Variants in KCNT2 observed in about 807,000 individuals in gnomAD.
KCNT2 encodes the protein potassium sodium-activated channel subfamily T member 2.
KCNT2 carries 67 observed loss-of-function variants against 153.8 expected under a neutral mutation model. The ratio of observed to expected loss-of-function variants is 0.44; its 90% confidence interval spans 0.36 to 0.53. The LOEUF (loss-of-function observed/expected upper bound fraction) is 0.53. Among genes scored for constraint, KCNT2 ranks in the 20% least tolerant of loss-of-function variants. The pLI is 0.00. For missense variants in KCNT2, 975 were observed against 1,354.8 expected, an observed-to-expected ratio of 0.72 and a Z score of 4.40; for synonymous variants, 500 against 458.8, an observed-to-expected ratio of 1.09 and a Z score of -1.15.
At chr1:196,438,056 T>A (rs1674883008) in intron 8 of KCNT2, among the ~76,000 whole-genome samples, 1 of 151,688 alleles carries the variant, frequency 6.6e-6, no homozygotes, top group South Asian at 2.1e-4. Context: ...AAAGCAAATA[T>A]ATTAATAATA....
At chr1:196,599,990 A>T (rs1271586158) in intron 1 of KCNT2, among the ~76,000 whole-genome samples, 2 of 152,018 alleles carry the variant, frequency 1.3e-5, no homozygotes, top group Admixed American at 1.3e-4. Flanking sequence ...AATTTATTTC[A>T]TTTACGTTAA....
chr1:196,493,466 C>T (rs1010495256), intron 1 of KCNT2, among the ~76,000 whole-genome samples: 3 of 151,820 alleles, frequency 2.0e-5, no homozygotes, highest in African/African-American at 7.3e-5. Flanking sequence ...TATATTATCT[C>T]ATAAACCCTC....
intron 1 of KCNT2, among the ~76,000 whole-genome samples, chr1:196,531,472 T>G (rs1165028634): frequency 1.3e-5 from 2 of 152,006 alleles, no homozygotes; most frequent in Non-Finnish European, 2.9e-5. Flanking sequence ...AAAATGGAGG[T>G]AACGGCTCCT....
At chr1:196,583,969 TTA>T in intron 1 of KCNT2, among the ~76,000 whole-genome samples, 1 of 151,842 alleles carries the variant, frequency 6.6e-6, no homozygotes, top group African/African-American at 2.4e-5. Flanking sequence ...CAAGTTAGAG[TTA>T]CATGGTGGGA....
At chr1:196,273,261 T>C (rs1658239100) in intron 25 of KCNT2, among the ~76,000 whole-genome samples, 1 of 151,852 alleles carries the variant, frequency 6.6e-6, no homozygotes, top group Non-Finnish European at 1.5e-5. Flanking sequence ...ATTTAATCTT[T>C]ACAATGGCAA....
At chr1:196,473,176 C>T (rs1678246184) in intron 5 of KCNT2, among the ~76,000 whole-genome samples, 1 of 152,126 alleles carries the variant, frequency 6.6e-6, no homozygotes, top group South Asian at 2.1e-4. Context: ...GCCAAGTTAA[C>T]TCATACCTGC....
intron 18 of KCNT2, among the ~76,000 whole-genome samples, chr1:196,327,551 G>C (rs1392995917): frequency 6.6e-6 from 1 of 151,918 alleles, no homozygotes; most frequent in Non-Finnish European, 1.5e-5. Context: ...TCTGCACGGA[G>C]AACTGTTTTG....
intron 26 of KCNT2, among the ~76,000 whole-genome samples, chr1:196,254,172 G>C (rs1656251361): frequency 6.6e-6 from 1 of 151,116 alleles, no homozygotes; most frequent in African/African-American, 2.4e-5. Flanking sequence ...TAAGAAAAAA[G>C]ATTAGTTTGT....
intron 5 of KCNT2, among the ~76,000 whole-genome samples, chr1:196,477,148 T>C (rs186455422): frequency 9.1e-4 from 139 of 152,028 alleles, no homozygotes; most frequent in Non-Finnish European, 6.5e-4. Flanking sequence ...GAAATTAGTG[T>C]TTTTTTTAAG....
chr1:196,504,196 C>A (rs1033790376), intron 1 of KCNT2, among the ~76,000 whole-genome samples: 4 of 151,768 alleles, frequency 2.6e-5, no homozygotes, highest in Non-Finnish European at 5.9e-5. Context: ...AACGCGTCAT[C>A]TAGCATTAGG....
intron 1 of KCNT2, among the ~76,000 whole-genome samples, chr1:196,583,775 G>A (rs974571598): frequency 3.3e-5 from 5 of 151,982 alleles, no homozygotes; most frequent in Admixed American, 6.6e-5. Context: ...TAAGAGAAAC[G>A]TAAGTAGAGC....
intron 25 of KCNT2, chr1:196,273,428 A>G: frequency 7.2e-7 from 1 of 1,397,970 alleles, no homozygotes; most frequent in African/African-American, 1.4e-5. Flanking sequence ...TTAATATATT[A>G]CACCATTTGA....
chr1:196,405,465 A>G (rs973385369), intron 12 of KCNT2, among the ~76,000 whole-genome samples: 3 of 151,476 alleles, frequency 2.0e-5, no homozygotes, highest in Non-Finnish European at 4.4e-5. Context: ...TACTATCTAA[A>G]AGGTATTTGT....
At chr1:196,330,300 G>A (rs918862777) in intron 18 of KCNT2, among the ~76,000 whole-genome samples, 9 of 151,702 alleles carry the variant, frequency 5.9e-5, no homozygotes, top group African/African-American at 2.2e-4. Context: ...CATTAAACAT[G>A]CACTAAATTA....
At chr1:196,292,381 G>A (rs1189092468) in intron 22 of KCNT2, among the ~76,000 whole-genome samples, 2 of 152,204 alleles carry the variant, frequency 1.3e-5, no homozygotes, top group Non-Finnish European at 2.9e-5. Flanking sequence ...ATGGTAGAAA[G>A]TTAAAAGCTA....
chr1:196,511,593 T>A (rs1350411587), intron 1 of KCNT2, among the ~76,000 whole-genome samples: 1 of 152,064 alleles, frequency 6.6e-6, no homozygotes, highest in East Asian at 1.9e-4. Flanking sequence ...TAAAGGTAAA[T>A]GTATTTTCTC....
intron 14 of KCNT2, among the ~76,000 whole-genome samples, chr1:196,354,393 T>C (rs1667005549): frequency 6.6e-6 from 1 of 151,750 alleles, no homozygotes; most frequent in Admixed American, 6.6e-5. Flanking sequence ...ATTTTCATAT[T>C]AGTTACTTTT....
chr1:196,526,482 T>A (rs1654228070), intron 1 of KCNT2, among the ~76,000 whole-genome samples: 1 of 150,472 alleles, frequency 6.6e-6, no homozygotes, highest in Middle Eastern at 3.2e-3. Context: ...TGAGATGGAG[T>A]CTTGCTTTGT....
chr1:196,248,616 A>C (rs1234227658), intron 26 of KCNT2, among the ~76,000 whole-genome samples: 1 of 152,132 alleles, frequency 6.6e-6, no homozygotes, highest in African/African-American at 2.4e-5. Context: ...CAAAACCTAA[A>C]CAGACCAATA....
Sources: allele counts gnomAD v4.1 joint callset (sites outside exome capture counted in the v4.1 genomes callset), GRCh38; gene constraint gnomAD v4.1.1; transcripts MANE v1.5; gene names NCBI Gene and HGNC (gene_info 2026-07-23, HGNC 2026-07-21).